KTN1: variants seen among roughly 807,000 people sequenced by gnomAD.
KTN1 encodes kinectin 1, also known as kinectin.
Under a neutral mutation model 222.5 loss-of-function variants are expected in KTN1, and 130 were observed. The observed-to-expected ratio is 0.58, with a 90% CI of 0.51 to 0.68. The LOEUF (loss-of-function observed/expected upper bound fraction) is 0.68. KTN1 is among the 30% of genes least tolerant of loss of function. The probability of loss-of-function intolerance (pLI) is 0.00; values close to 1 mark genes in which losing one functional copy is unlikely to be tolerated. For missense variants in KTN1, 1,508 were observed against 1,500.4 expected, an observed-to-expected ratio of 1.01 and a Z score of -0.08; for synonymous variants, 512 against 496.3, an observed-to-expected ratio of 1.03 and a Z score of -0.42.
At chr14:55,679,398 G>C in intron 42 of KTN1, 167 bp from the exon 43 acceptor site, 1 of 567,468 alleles carries the variant, frequency 1.8e-6, no homozygotes, top group South Asian at 2.9e-5. Flanking sequence ...CCACTAGTTA[G>C]CAAACAGTAT....
At chr14:55,680,962 C>T (rs1017838181) in intron 43 of KTN1, 19 of 345,368 alleles carry the variant, frequency 5.5e-5, no homozygotes, top group Non-Finnish European at 9.7e-5. Flanking sequence ...GGACTTCAGC[C>T]TTATTCTTTC....
At chr14:55,580,459 G>T (rs2031102363) in intron 1 of KTN1, 105 bp downstream of exon 1, 1 of 146,656 alleles carries the variant, frequency 6.8e-6, no homozygotes, top group African/African-American at 2.4e-5. Flanking sequence ...GCCGCGCCGG[G>T]CGGGGGGGCG....
chr14:55,593,079 G>A (rs1003867559), intron 1 of KTN1, among the ~76,000 whole-genome samples: 2 of 151,882 alleles, frequency 1.3e-5, no homozygotes, highest in Admixed American at 6.6e-5. Flanking sequence ...TATTGTATCT[G>A]TTGAGTCTAT....
chr14:55,656,783 C>G (rs550283805), intron 29 of KTN1, among the ~76,000 whole-genome samples: 2 of 151,978 alleles, frequency 1.3e-5, no homozygotes, highest in African/African-American at 2.4e-5. Flanking sequence ...ATTTATATAA[C>G]CAATTCCAGT....
At chr14:55,616,185 A>G (rs1435880908) in intron 2 of KTN1, among the ~76,000 whole-genome samples, 1 of 152,032 alleles carries the variant, frequency 6.6e-6, no homozygotes, top group Admixed American at 6.6e-5. Flanking sequence ...CCTGGGTTCA[A>G]GTGATCCACC....
At chr14:55,668,001 T>C (rs540064321) in intron 34 of KTN1, 7 of 151,988 alleles carry the variant, frequency 4.6e-5, no homozygotes, top group Admixed American at 3.9e-4. Flanking sequence ...ATAGCACTTA[T>C]CAGTACATGG....
At chr14:55,654,780 A>G (rs1019135636) in intron 28 of KTN1, among the ~76,000 whole-genome samples, 2 of 152,132 alleles carry the variant, frequency 1.3e-5, no homozygotes, top group African/African-American at 4.8e-5. Context: ...AATGACATGT[A>G]TCTATCATTA....
At chr14:55,665,445 C>T (rs1350058290) in intron 33 of KTN1, among the ~76,000 whole-genome samples, 1 of 151,896 alleles carries the variant, frequency 6.6e-6, no homozygotes, top group Non-Finnish European at 1.5e-5. Flanking sequence ...TAAAGATCTA[C>T]AGAGAATAGA....
At chr14:55,615,886 C>G (rs2038301301) in intron 2 of KTN1, among the ~76,000 whole-genome samples, 1 of 146,430 alleles carries the variant, frequency 6.8e-6, no homozygotes, top group African/African-American at 2.5e-5. Flanking sequence ...TTCTTTCTTT[C>G]TCTCTTTCTC....
chr14:55,600,116 T>C (rs2035745343), intron 1 of KTN1, among the ~76,000 whole-genome samples: 1 of 150,208 alleles, frequency 6.7e-6, no homozygotes, highest in East Asian at 2.0e-4. Flanking sequence ...GTATTATGTC[T>C]CTTCTGGGGA....
At position 55,679,657 on chromosome 14, in the gene KTN1, A is replaced by G. The variant is rs1225355590; in HGVS notation, c.4041A>G (p.Thr1347=). 58 of 1,613,896 alleles carry G rather than the reference A, an allele frequency of 3.6e-5. 1 individual carries two copies. The highest frequency in any genetic ancestry group is 4.2e-5 in the Non-Finnish European group (49 of 1,179,880). The change falls in exon 43 of 44, where the codon ACA becomes ACG. Residue 1347 remains threonine, a synonymous_variant. Coordinates refer to ENST00000395314, the MANE Select transcript of KTN1 (RefSeq NM_001079521.2). ...TTCAGGCGGTAAACCAACAGCTCAC[A>G]AAGGAGAAAGAGCACTACCAGGTGT... ...QLLQAVNQQL[T]KEKEHYQVLE
chr14:55,605,833 T>C (rs1018535517), intron 1 of KTN1, among the ~76,000 whole-genome samples: 1 of 152,222 alleles, frequency 6.6e-6, no homozygotes, highest in African/African-American at 2.4e-5. Flanking sequence ...GAGTTCATTG[T>C]ATCTAAACCT....
At chr14:55,676,460 C>T (rs1321208237) in intron 41 of KTN1, among the ~76,000 whole-genome samples, 1 of 152,006 alleles carries the variant, frequency 6.6e-6, no homozygotes, top group Non-Finnish European at 1.5e-5. Context: ...TTCACATATT[C>T]TTATATCAAA....
intron 33 of KTN1, among the ~76,000 whole-genome samples, chr14:55,665,972 C>G (rs2044695156): frequency 6.6e-6 from 1 of 151,666 alleles, no homozygotes; most frequent in Admixed American, 6.6e-5. Flanking sequence ...GTCTCTTTTC[C>G]TAACCGGTTT....
chr14:55,669,176 T>C (rs927479621), intron 34 of KTN1, among the ~76,000 whole-genome samples: 1 of 152,222 alleles, frequency 6.6e-6, no homozygotes, highest in East Asian at 1.9e-4. Context: ...GAATTAATGA[T>C]TGATAATTTC....
chr14:55,631,637 G>T (rs1183494401), intron 7 of KTN1, among the ~76,000 whole-genome samples: 3 of 151,852 alleles, frequency 2.0e-5, no homozygotes, highest in Non-Finnish European at 4.4e-5. Context: ...TAAAAAGTTT[G>T]CCAGGCATGG....
chr14:55,665,606 C>T (rs868568258), intron 33 of KTN1, among the ~76,000 whole-genome samples: 107 of 152,026 alleles, frequency 7.0e-4, no homozygotes, highest in African/African-American at 2.1e-3. Flanking sequence ...AAATAAGTTA[C>T]GGTCAGCTTA....
intron 33 of KTN1, among the ~76,000 whole-genome samples, chr14:55,666,891 G>A (rs970720085): frequency 3.9e-5 from 6 of 151,930 alleles, no homozygotes; most frequent in African/African-American, 1.4e-4. Flanking sequence ...TTCTACTATA[G>A]GTAGTTTATA....
intron 18 of KTN1, among the ~76,000 whole-genome samples, chr14:55,646,329 T>A (rs2042270754): frequency 6.6e-6 from 1 of 152,150 alleles, no homozygotes. Flanking sequence ...TATGCACTTG[T>A]CTACGTAAAT....
Sources: allele counts gnomAD v4.1 joint callset (sites outside exome capture counted in the v4.1 genomes callset), GRCh38; gene constraint gnomAD v4.1.1; transcripts MANE v1.5; gene names NCBI Gene and HGNC (gene_info 2026-07-23, HGNC 2026-07-21).